Variants in TMEM132D observed in about 807,000 individuals in gnomAD.
TMEM132D encodes the protein transmembrane protein 132D.
TMEM132D carries 21 observed loss-of-function variants against 62.3 expected under a neutral mutation model. The observed-to-expected ratio is 0.34, with a 90% CI of 0.24 to 0.49. TMEM132D has a LOEUF of 0.49. Ranked by LOEUF, TMEM132D falls within the 20% of genes least tolerant of loss-of-function variation. The probability of loss-of-function intolerance (pLI) is 0.99; values close to 1 mark genes in which losing one functional copy is unlikely to be tolerated. For synonymous variants in TMEM132D, 621 were observed against 575.6 expected (o/e 1.08, Z -1.13); for missense variants, 1,346 against 1,402.8 (o/e 0.96, Z 0.65).
At chr12:129,332,379 T>TA (rs1183801464) in intron 4 of TMEM132D, among the ~76,000 whole-genome samples, 22 of 151,540 alleles carry the variant, frequency 1.5e-4, no homozygotes, top group Non-Finnish European at 2.2e-4. Context: ...TACAAAATAT[T>TA]AAAAAAAAAT....
At chr12:129,687,980 G>A (rs937224662) in intron 2 of TMEM132D, among the ~76,000 whole-genome samples, 6 of 152,186 alleles carry the variant, frequency 3.9e-5, no homozygotes, top group Non-Finnish European at 7.3e-5. Context: ...CTTTCCCTAA[G>A]AGGATCAGAG....
At chr12:129,197,426 A>C (rs1027089254) in intron 5 of TMEM132D, among the ~76,000 whole-genome samples, 2 of 152,186 alleles carry the variant, frequency 1.3e-5, no homozygotes, top group African/African-American at 4.8e-5. Context: ...CCCTCACCCC[A>C]AAAATGAGGA....
intron 5 of TMEM132D, among the ~76,000 whole-genome samples, chr12:129,105,704 A>G (rs897227527): frequency 6.6e-6 from 1 of 151,352 alleles, no homozygotes; most frequent in African/African-American, 2.5e-5. Flanking sequence ...ATGCAAATCA[A>G]AACCACAATG....
intron 4 of TMEM132D, 42 bp downstream of exon 4, chr12:129,337,592 C>G (rs770428602): frequency 6.2e-7 from 1 of 1,609,312 alleles, no homozygotes; most frequent in Admixed American, 1.7e-5. Flanking sequence ...CCTTCCCCTC[C>G]CCCGAGTTCA....
Position 129,903,002 on chromosome 12 carries a change from C to T in TMEM132D, c.79+259G>A, listed in dbSNP as rs753328108. Among the ~76,000 whole-genome samples, 20 of 152,184 alleles carry T rather than the reference C, an allele frequency of 1.3e-4. No homozygotes were observed. The highest frequency in any genetic ancestry group is 2.9e-4 in the Non-Finnish European group (20 of 68,040). ...GCTTTCAGGAAACAGCCTTCCTTTC[C>T]TTTCGGCTCCTTAGTAGTCTCACCT... On this transcript the variant is annotated intron_variant, in intron 1 of 8. Coordinates refer to ENST00000422113, the MANE Select transcript of TMEM132D (RefSeq NM_133448.3). This position sits in a 1 kb window ranked among gnomAD's most constrained non-coding sequence, Gnocchi z 6.2.
intron 1 of TMEM132D, among the ~76,000 whole-genome samples, chr12:129,899,820 T>C (rs930968195): frequency 6.6e-6 from 1 of 152,122 alleles, no homozygotes; most frequent in African/African-American, 2.4e-5. Context: ...CTCTTCATTC[T>C]TTGTCTTTTC....
At chr12:129,114,726 G>A (rs972989388) in intron 5 of TMEM132D, among the ~76,000 whole-genome samples, 1 of 152,018 alleles carries the variant, frequency 6.6e-6, no homozygotes, top group Non-Finnish European at 1.5e-5. Flanking sequence ...TTCTAATGTC[G>A]CCACCTCGTT....
chr12:129,100,207 A>C (rs1017772279), intron 5 of TMEM132D, among the ~76,000 whole-genome samples: 1 of 151,948 alleles, frequency 6.6e-6, no homozygotes, highest in Non-Finnish European at 1.5e-5. Context: ...CCCCTGGCTA[A>C]TTTTTTGTAT....
intron 1 of TMEM132D, among the ~76,000 whole-genome samples, chr12:129,777,446 C>A (rs1018367466): frequency 7.9e-5 from 12 of 152,218 alleles, no homozygotes; most frequent in Non-Finnish European, 1.8e-4. Context: ...ACCTTCCCAA[C>A]CTCTGGTTAA....
chr12:129,272,192 C>T (rs772373462), intron 4 of TMEM132D, among the ~76,000 whole-genome samples: 7 of 151,830 alleles, frequency 4.6e-5, no homozygotes, highest in Admixed American at 2.0e-4. Flanking sequence ...GTTTTAGGAT[C>T]GGCAGGGACC....
intron 3 of TMEM132D, among the ~76,000 whole-genome samples, chr12:129,475,022 A>G (rs1352482581): frequency 6.6e-6 from 1 of 152,238 alleles, no homozygotes; most frequent in Non-Finnish European, 1.5e-5. Flanking sequence ...AAAGATGCAT[A>G]AAAGTCCTAC....
At chr12:129,248,793 T>C (rs1412816480) in intron 4 of TMEM132D, among the ~76,000 whole-genome samples, 1 of 152,164 alleles carries the variant, frequency 6.6e-6, no homozygotes, top group Non-Finnish European at 1.5e-5. Flanking sequence ...GAACATGCAG[T>C]ATTTGCTTTT....
intron 1 of TMEM132D, among the ~76,000 whole-genome samples, chr12:129,868,567 T>A (rs1014047652): frequency 3.3e-5 from 5 of 152,204 alleles, no homozygotes; most frequent in African/African-American, 4.8e-5. Context: ...CAACTCCATC[T>A]GCACAATTTC....
chr12:129,589,001 G>A (rs966923784), intron 2 of TMEM132D, among the ~76,000 whole-genome samples: 11 of 151,916 alleles, frequency 7.2e-5, no homozygotes, highest in East Asian at 5.8e-4. Context: ...GCAGTGGTTC[G>A]AATGGCTTGG....
At chr12:129,760,073 T>A (rs1263356341) in intron 1 of TMEM132D, among the ~76,000 whole-genome samples, 1 of 151,976 alleles carries the variant, frequency 6.6e-6, no homozygotes, top group Non-Finnish European at 1.5e-5. Context: ...CCTGGCTAAT[T>A]TTTTAAATTT....
chr12:129,859,732 A>T (rs1375934837), intron 1 of TMEM132D, among the ~76,000 whole-genome samples: 1 of 151,890 alleles, frequency 6.6e-6, no homozygotes, highest in Non-Finnish European at 1.5e-5. Context: ...CCTGCCCCAG[A>T]CTCCAGGTTC....
chr12:129,551,193 G>C (rs915796326), intron 2 of TMEM132D, among the ~76,000 whole-genome samples: 4 of 152,380 alleles, frequency 2.6e-5, no homozygotes, highest in Admixed American at 1.3e-4. Context: ...TTGTGGAGTA[G>C]AGGCATCTAC....
At chr12:129,708,710 A>T (rs1411191278) in intron 1 of TMEM132D, among the ~76,000 whole-genome samples, 1 of 147,816 alleles carries the variant, frequency 6.8e-6, no homozygotes, top group African/African-American at 2.5e-5. Flanking sequence ...AATACTTTGT[A>T]GTGTTAGTCC....
intron 1 of TMEM132D, among the ~76,000 whole-genome samples, chr12:129,842,667 C>T (rs11060583): frequency 0.13 from 19,079 of 151,886 alleles, 1,802 homozygotes; most frequent in East Asian, 0.52. Context: ...CAGGGTCTCA[C>T]CATGTTGCCC....
Sources: allele counts gnomAD v4.1 joint callset (sites outside exome capture counted in the v4.1 genomes callset), GRCh38; gene constraint gnomAD v4.1.1; non-coding constraint Gnocchi (gnomAD v3.1); transcripts MANE v1.5; gene names NCBI Gene and HGNC (gene_info 2026-07-23, HGNC 2026-07-21).